GRHL2: variants seen among roughly 807,000 people sequenced by gnomAD.
GRHL2 encodes grainyhead like transcription factor 2.
In GRHL2, 21 loss-of-function variants were observed where a neutral mutation model predicts 83.8. That is an observed-to-expected ratio of 0.25 (90% confidence interval 0.18 to 0.36). The LOEUF (loss-of-function observed/expected upper bound fraction) is 0.36. GRHL2 is among the 10% of genes least tolerant of loss of function. The pLI is 1.00. For synonymous variants in GRHL2, 280 were observed against 278.9 expected (o/e 1.00, Z -0.04); for missense variants, 623 against 781.8 (o/e 0.80, Z 2.42).
chr8:101,578,603 TA>T (rs1348948990), intron 7 of GRHL2, among the ~76,000 whole-genome samples: 1 of 152,212 alleles, frequency 6.6e-6, no homozygotes, highest in African/African-American at 2.4e-5. Context: ...ACTGTTTCCA[TA>T]AGAAGTAAGT....
intron 9 of GRHL2, among the ~76,000 whole-genome samples, chr8:101,624,640 ACACAGTAGGACAGTT>A (rs71276991): frequency 0.79 from 118,216 of 149,854 alleles, 47,880 homozygotes; most frequent in Non-Finnish European, 0.88. Flanking sequence ...GTAGGACAGT[ACACAGTAGGACAGTT>A]CACAGTAGGA....
intron 5 of GRHL2, among the ~76,000 whole-genome samples, chr8:101,572,951 C>A (rs1163391216): frequency 1.3e-5 from 2 of 152,188 alleles, no homozygotes; most frequent in Admixed American, 1.3e-4. Context: ...AGTACGAAAG[C>A]AGTCATAGAC....
At chr8:101,532,578 T>C (rs1010201816) in intron 1 of GRHL2, among the ~76,000 whole-genome samples, 11 of 152,004 alleles carry the variant, frequency 7.2e-5, no homozygotes, top group African/African-American at 2.7e-4. Flanking sequence ...GGTGAAACCC[T>C]GTCTCTACTA....
the GRHL2 span, among the ~76,000 whole-genome samples, chr8:101,678,057 G>T: frequency 6.6e-6 from 1 of 152,084 alleles, no homozygotes; most frequent in African/African-American, 2.4e-5. Flanking sequence ...GCACACTTCC[G>T]GCGAAGACAA....
At chr8:101,629,969 A>C (rs1339311288) in intron 9 of GRHL2, among the ~76,000 whole-genome samples, 1 of 152,166 alleles carries the variant, frequency 6.6e-6, no homozygotes, top group African/African-American at 2.4e-5. Context: ...GACAATTCAA[A>C]ACTTCATATG....
At chr8:101,581,975 C>T (rs967727483) in intron 7 of GRHL2, among the ~76,000 whole-genome samples, 3 of 152,218 alleles carry the variant, frequency 2.0e-5, no homozygotes, top group Admixed American at 6.5e-5. Flanking sequence ...CAGTGGCTCA[C>T]GCCTCTAATC....
chr8:101,602,148 A>G (rs777454383), intron 8 of GRHL2, among the ~76,000 whole-genome samples: 2 of 152,264 alleles, frequency 1.3e-5, no homozygotes, highest in Non-Finnish European at 2.9e-5. Flanking sequence ...AATCTACTTC[A>G]TTAGAAAGGC....
intron 7 of GRHL2, among the ~76,000 whole-genome samples, chr8:101,580,779 C>T (rs1384261982): frequency 2.6e-5 from 4 of 152,188 alleles, no homozygotes; most frequent in Non-Finnish European, 5.9e-5. Context: ...TCTCGGCTCA[C>T]TGCAGCCTCC....
chr8:101,493,891 C>G (rs965072034), intron 1 of GRHL2, among the ~76,000 whole-genome samples: 1 of 151,968 alleles, frequency 6.6e-6, no homozygotes, highest in South Asian at 2.1e-4. Flanking sequence ...CCCCCGCCCT[C>G]GGAAGGCTTT....
At chr8:101,619,732 T>A in intron 9 of GRHL2, 35 bp downstream of exon 9, 1 of 1,519,064 alleles carries the variant, frequency 6.6e-7, no homozygotes, top group South Asian at 1.1e-5. Flanking sequence ...TAAAGGTATC[T>A]TTTTTATTAG....
chr8:101,625,986 C>T (rs1813071966), intron 9 of GRHL2, among the ~76,000 whole-genome samples: 1 of 152,000 alleles, frequency 6.6e-6, no homozygotes, highest in African/African-American at 2.4e-5. Flanking sequence ...CAAAGTAGAC[C>T]TGAAATCTTT....
chr8:101,670,564 G>C (rs984867916), downstream of GRHL2, among the ~76,000 whole-genome samples: 4 of 152,206 alleles, frequency 2.6e-5, no homozygotes, highest in Non-Finnish European at 4.4e-5. Flanking sequence ...GGGCTCCAAG[G>C]CTTGTTGTCA....
At chr8:101,546,589 A>G (rs1811271007) in intron 2 of GRHL2, among the ~76,000 whole-genome samples, 1 of 151,908 alleles carries the variant, frequency 6.6e-6, no homozygotes, top group South Asian at 2.1e-4. Flanking sequence ...TTGTATATGT[A>G]TTTTTAGTAG....
At chr8:101,617,872 C>T (rs190216405) in intron 8 of GRHL2, among the ~76,000 whole-genome samples, 235 of 152,188 alleles carry the variant, frequency 1.5e-3, no homozygotes, top group African/African-American at 5.0e-3. Flanking sequence ...TCCATAGTGT[C>T]GCTGTGGTGT....
intron 7 of GRHL2, among the ~76,000 whole-genome samples, chr8:101,587,700 GTATTATAGTTTTTAA>G (rs1812195813): frequency 6.6e-6 from 1 of 151,858 alleles, no homozygotes; most frequent in Non-Finnish European, 1.5e-5. Context: ...CACTCTCATA[GTATTATAGTTTTTAA>G]TATTATTGGA....
At chr8:101,493,999 C>T (rs1003850275) in intron 1 of GRHL2, among the ~76,000 whole-genome samples, 1 of 152,134 alleles carries the variant, frequency 6.6e-6, no homozygotes, top group African/African-American at 2.4e-5. Context: ...ACTCCCTTCC[C>T]CCTCCTCTCG....
At chr8:101,662,298 T>C (rs1744316344) in intron 14 of GRHL2, among the ~76,000 whole-genome samples, 1 of 152,194 alleles carries the variant, frequency 6.6e-6, no homozygotes, top group South Asian at 2.1e-4. Context: ...TCATCAGTGA[T>C]GGATTAGTGA....
chr8:101,511,047 G>GTGGA (rs1810453452), intron 1 of GRHL2, among the ~76,000 whole-genome samples: 1 of 152,112 alleles, frequency 6.6e-6, no homozygotes, highest in Admixed American at 6.5e-5. Flanking sequence ...GTTGCAGTGA[G>GTGGA]TGGAGATCGT....
At chr8:101,516,095 A>G (rs893565403) in intron 1 of GRHL2, among the ~76,000 whole-genome samples, 2 of 152,112 alleles carry the variant, frequency 1.3e-5, no homozygotes, top group Non-Finnish European at 2.9e-5. Context: ...TTTCCTGAAA[A>G]GGGACCAAAT....
Sources: allele counts gnomAD v4.1 joint callset (sites outside exome capture counted in the v4.1 genomes callset), GRCh38; gene constraint gnomAD v4.1.1; transcripts MANE v1.5; gene names NCBI Gene and HGNC (gene_info 2026-07-23, HGNC 2026-07-21).